Variants in EML4 observed in about 807,000 individuals in gnomAD.
EML4 encodes echinoderm microtubule-associated protein-like 4.
A neutral mutation model predicts 129.0 loss-of-function variants in EML4; 72 were observed. The observed-to-expected ratio is 0.56, with a 90% CI of 0.46 to 0.68. The LOEUF is 0.68. EML4 is among the 30% of genes least tolerant of loss of function. The pLI, the probability that EML4 is intolerant of heterozygous loss-of-function variation, is 0.00. For missense variants in EML4, 1,363 were observed against 1,190.6 expected (o/e 1.14, Z -2.13); for synonymous variants, 532 against 405.0 (o/e 1.31, Z -3.77).
At chr2:42,211,884 G>A (rs368639292) in intron 1 of EML4, among the ~76,000 whole-genome samples, 4 of 151,752 alleles carry the variant, frequency 2.6e-5, no homozygotes, top group Non-Finnish European at 4.4e-5. Context: ...TCACTCTGTC[G>A]CCCAGGTTGG....
intron 14 of EML4, 114 bp from the exon 15 acceptor site, chr2:42,302,990 A>C: frequency 1.1e-6 from 1 of 947,206 alleles, no homozygotes. Flanking sequence ...CCATATCCAA[A>C]TTTGGGCTTT....
chr2:42,205,386 T>A (rs1174066698), intron 1 of EML4, among the ~76,000 whole-genome samples: 4 of 152,246 alleles, frequency 2.6e-5, no homozygotes, highest in African/African-American at 9.6e-5. Context: ...AGTTGACATT[T>A]TTATATTTGG....
chr2:42,219,578 T>C (rs1399870597), intron 1 of EML4, among the ~76,000 whole-genome samples: 2 of 152,208 alleles, frequency 1.3e-5, no homozygotes, highest in Non-Finnish European at 2.9e-5. Context: ...TCAAAAAGTT[T>C]ATGTATGTGG....
chr2:42,265,421 G>A (rs1434639735), intron 6 of EML4, among the ~76,000 whole-genome samples: 1 of 151,966 alleles, frequency 6.6e-6, no homozygotes, highest in Admixed American at 6.6e-5. Flanking sequence ...TGTATTTTTA[G>A]TAAAGATGGA....
At chr2:42,226,571 C>T (rs1365281314) in intron 1 of EML4, among the ~76,000 whole-genome samples, 1 of 151,940 alleles carries the variant, frequency 6.6e-6, no homozygotes, top group Non-Finnish European at 1.5e-5. Flanking sequence ...GCAGGAGAAT[C>T]ACTTGAACCT....
intron 1 of EML4, among the ~76,000 whole-genome samples, chr2:42,183,367 A>G (rs1000435663): frequency 1.3e-5 from 2 of 152,172 alleles, no homozygotes; most frequent in Non-Finnish European, 2.9e-5. Context: ...TTCTGTGTAA[A>G]CAATTGATGT....
Position 42,326,145 on chromosome 2 carries a change from A to T in EML4, c.2243-9A>T. 6.2e-7 allele frequency: 1 copy of T among 1,611,606 alleles called. No individual in the cohort carries two copies. The highest frequency in any genetic ancestry group is 2.2e-5 in the East Asian group (1 of 44,810). On this transcript the variant is annotated splice_polypyrimidine_tract_variant and intron_variant, in intron 20 of 22. Coordinates refer to ENST00000318522, the MANE Select transcript of EML4 (RefSeq NM_019063.5). ...ACTATGATTATACTTCCTGTTTCTA[A>T]ATTTAAAGGGGACATTCCAAATGGC...
At position 42,169,531 on chromosome 2, in the gene EML4, G is replaced by A; in HGVS notation, c.-81G>A. 1 of 1,513,970 alleles carries A rather than the reference G, an allele frequency of 6.6e-7. No individual in the cohort carries two copies. The allele number at this position is 1,513,970 out of a possible 1,614,324, so 93.8% of individuals were successfully genotyped here. A position where few individuals can be genotyped will look rare whatever the true frequency, so the allele number is the denominator to read the frequency against. Reference sequence around the variant, plus strand: ...GCGACCTAGAGAACGAGCGGGTCAGGCTCAGCGTCGGCCACTCTGTCGGTC... The same window carrying A: ...GCGACCTAGAGAACGAGCGGGTCAGACTCAGCGTCGGCCACTCTGTCGGTC... On this transcript the variant is annotated 5_prime_UTR_variant, in exon 1 of 23. Coordinates refer to ENST00000318522, the MANE Select transcript of EML4 (RefSeq NM_019063.5).
chr2:42,300,581 C>T (rs531286636), intron 13 of EML4, among the ~76,000 whole-genome samples: 1 of 152,228 alleles, frequency 6.6e-6, no homozygotes, highest in South Asian at 2.1e-4. Flanking sequence ...AGGTCAAAAG[C>T]CATCACTGCA....
At chr2:42,277,430 G>A (rs1666717279) in intron 6 of EML4, among the ~76,000 whole-genome samples, 1 of 152,238 alleles carries the variant, frequency 6.6e-6, no homozygotes, top group Admixed American at 6.5e-5. Context: ...AGATTCAGAA[G>A]TAATGAAGAC....
intron 1 of EML4, among the ~76,000 whole-genome samples, chr2:42,221,804 G>A (rs185355836): frequency 4.6e-5 from 7 of 151,768 alleles, no homozygotes; most frequent in Admixed American, 2.0e-4. Context: ...AGGTTTCGTC[G>A]TGTTGGCCAG....
At chr2:42,206,761 A>G (rs1462868186) in intron 1 of EML4, among the ~76,000 whole-genome samples, 2 of 152,164 alleles carry the variant, frequency 1.3e-5, no homozygotes, top group Non-Finnish European at 2.9e-5. Flanking sequence ...CATGTATATT[A>G]TTTTTGGTAA....
At chr2:42,290,268 G>A (rs565705236) in intron 11 of EML4, among the ~76,000 whole-genome samples, 14 of 152,032 alleles carry the variant, frequency 9.2e-5, no homozygotes, top group Non-Finnish European at 1.6e-4. Context: ...ACCTTATTCT[G>A]TTCTACTATA....
intron 1 of EML4, among the ~76,000 whole-genome samples, chr2:42,226,105 A>T (rs544601183): frequency 6.6e-6 from 1 of 152,164 alleles, no homozygotes; most frequent in Non-Finnish European, 1.5e-5. Flanking sequence ...CATGCCGTAG[A>T]CACATTTGTA....
rs763563612 is a variant in EML4, at chr2:42,261,219, C to G, written c.437C>G (p.Ser146Cys). 4 of 1,613,886 alleles carry G rather than the reference C, an allele frequency of 2.5e-6. No homozygotes were observed. The African/African-American group carries it at 5.3e-5, about 22-fold the overall frequency. The change falls in exon 4 of 23, where the codon TCT becomes TGT. Residue 146 changes from serine (S) to cysteine (C), a missense_variant. Ser to Cys is a moderately radical substitution (Grantham distance 112). Transcript: ENST00000318522. Reference sequence around the variant, plus strand: ...AGTCCACAAATTCGAGCATCACCTTCTCCCCAGCCCTCTTCACAACCTCTC... The same window carrying G: ...AGTCCACAAATTCGAGCATCACCTTGTCCCCAGCCCTCTTCACAACCTCTC... Reference protein sequence around the residue: ...DQSPQIRASPSPQPSSQPLQI... With the variant: ...DQSPQIRASPCPQPSSQPLQI...
intron 1 of EML4, among the ~76,000 whole-genome samples, chr2:42,203,002 T>G (rs1240050316): frequency 6.6e-6 from 1 of 152,130 alleles, no homozygotes; most frequent in African/African-American, 2.4e-5. Flanking sequence ...TACTCCAGCC[T>G]GGGTGACAAG....
chr2:42,223,544 A>G (rs907061350), intron 1 of EML4, among the ~76,000 whole-genome samples: 12 of 152,134 alleles, frequency 7.9e-5, no homozygotes, highest in Admixed American at 5.2e-4. Flanking sequence ...AGAAATTACA[A>G]ATTTTACTGT....
intron 8 of EML4, 44 bp downstream of exon 8, chr2:42,283,016 C>T (rs1430771085): frequency 1.3e-6 from 2 of 1,515,766 alleles, no homozygotes. Context: ...CTTTCAGGCC[C>T]TCATTTTGTA....
chr2:42,282,202 G>A lies in EML4; in HGVS notation c.792-621G>A, dbSNP rs565525179. Among the ~76,000 whole-genome samples, 19 of 150,972 alleles carry A rather than the reference G, an allele frequency of 1.3e-4. 2 individuals carry two copies. The South Asian group carries it at 4.0e-3, about 32-fold the overall frequency. On this transcript the variant is annotated intron_variant, in intron 7 of 22. Transcript: ENST00000318522. ...GTGATTTTTTTTTTTCTTTGCCAGA[G>A]GATAAGCTCTAGAGACATAGGGCCT...
Sources: allele counts gnomAD v4.1 joint callset (sites outside exome capture counted in the v4.1 genomes callset), GRCh38; gene constraint gnomAD v4.1.1; transcripts MANE v1.5; gene names NCBI Gene and HGNC (gene_info 2026-07-23, HGNC 2026-07-21).